Variants in ETNK2 observed in about 807,000 individuals in gnomAD.
The protein encoded by ETNK2 is ethanolamine kinase-like protein.
In ETNK2, 33 loss-of-function variants were observed where a neutral mutation model predicts 46.2. The ratio of observed to expected loss-of-function variants is 0.71; its 90% CI spans 0.54 to 0.96. The LOEUF (loss-of-function observed/expected upper bound fraction) is 0.96, where lower values mean the gene tolerates loss of function less well. Ranked by LOEUF, ETNK2 falls within the 40% of genes least tolerant of loss-of-function variation. The probability of loss-of-function intolerance (pLI) is 0.00; values close to 1 mark genes in which losing one functional copy is unlikely to be tolerated. For missense variants in ETNK2, 445 were observed against 509.7 expected (o/e 0.87, Z 1.22); for synonymous variants, 194 against 209.0 (o/e 0.93, Z 0.62).
At chr1:204,147,893 G>C (rs183223748) in intron 2 of ETNK2, among the ~76,000 whole-genome samples, 73 of 152,302 alleles carry the variant, frequency 4.8e-4, no homozygotes, top group Non-Finnish European at 1.0e-3. Flanking sequence ...GAGGCCCTGG[G>C]GCAGAAGGGA....
Position 204,137,134 on chromosome 1 carries a change from C to A in ETNK2, c.984G>T (p.Arg328Ser), listed in dbSNP as rs1202713597. 6.2e-7 allele frequency: 1 copy of A among 1,613,952 alleles called. No individual in the cohort carries two copies. Among genetic ancestry groups the A allele is most frequent in the South Asian group, 1.1e-5 (1 of 91,078 alleles). ...CAAACTTGTTGACTTGCACGTAGAG[C>A]CTTTGCACCTCCCTGGGGGTCACGG... ...GMAVTPREVQ[R>S]LYVQVNKFAL... The change falls in exon 6 of 8, where the codon AGG becomes AGT. Residue 328 changes from arginine (R) to serine (S), a missense_variant. Transcript: ENST00000367202.
rs745497886 is a variant in ETNK2, at chr1:204,146,634, C to T, written c.641+8G>A. 1 of 1,613,918 alleles carries T rather than the reference C, an allele frequency of 6.2e-7. No individual in the cohort carries two copies. The highest frequency in any genetic ancestry group is 1.1e-5 in the South Asian group (1 of 91,066). On this transcript the variant is annotated splice_region_variant and intron_variant, in intron 3 of 7. Coordinates refer to ENST00000367202, the MANE Select transcript of ETNK2 (RefSeq NM_018208.4). ...AAGGCAGCCTTGGACCCTCCCAGAT[C>T]TTTGTACCTGGGGTTGATCTCGTTC...
chr1:204,149,625 A>G (rs1657924911), intron 2 of ETNK2, 78 bp downstream of exon 2: 1 of 1,484,426 alleles, frequency 6.7e-7, no homozygotes, highest in Non-Finnish European at 9.0e-7. Context: ...ACTCTCCACC[A>G]TGGACCCCAC....
At chr1:204,134,676 A>G in intron 6 of ETNK2, 88 bp from the exon 7 acceptor site, 1 of 1,613,746 alleles carries the variant, frequency 6.2e-7, no homozygotes, top group Non-Finnish European at 8.5e-7. Flanking sequence ...GTCATTGTGG[A>G]AGACACACAG....
At chr1:204,133,203 G>A (rs1028822369) in intron 7 of ETNK2, among the ~76,000 whole-genome samples, 5 of 152,048 alleles carry the variant, frequency 3.3e-5, no homozygotes, top group African/African-American at 9.7e-5. Flanking sequence ...CAAGAATAAT[G>A]TTGCCATGAA....
chr1:204,149,345 T>C (rs758570737), intron 2 of ETNK2, among the ~76,000 whole-genome samples: 1 of 152,170 alleles, frequency 6.6e-6, no homozygotes. Context: ...CTGAGTGCCC[T>C]GGGGATCTGG....
At chr1:204,141,265 A>C (rs753632325) in intron 4 of ETNK2, 50 bp downstream of exon 4, 1 of 1,612,830 alleles carries the variant, frequency 6.2e-7, no homozygotes, top group Admixed American at 1.7e-5. Flanking sequence ...GAAGCCAGCT[A>C]ACCAACCAAC....
chr1:204,132,316 G>A (rs1657107558), intron 7 of ETNK2, 60 bp from the exon 8 acceptor site: 2 of 1,369,774 alleles, frequency 1.5e-6, no homozygotes, highest in Non-Finnish European at 2.0e-6. Context: ...GCCCTGCTGG[G>A]GGTGCTGACA....
chr1:204,149,986 G>C, intron 1 of ETNK2, 24 bp from the exon 2 acceptor site: 1 of 1,233,964 alleles, frequency 8.1e-7, no homozygotes, highest in Non-Finnish European at 1.1e-6. Context: ...AGGACAGTGC[G>C]TGGGTGGGTG....
chr1:204,136,972 G>A lies in ETNK2; in HGVS notation c.1014+132C>T, dbSNP rs545816557. Reference sequence around the variant, plus strand: ...TTCCCAGGCTTCACCTCTAGGGTGGGGTCAGGAGCCAGGGATGGGTGTCCC... The same window carrying A: ...TTCCCAGGCTTCACCTCTAGGGTGGAGTCAGGAGCCAGGGATGGGTGTCCC... On this transcript the variant is annotated intron_variant, in intron 6 of 7. Coordinates refer to ENST00000367202, the MANE Select transcript of ETNK2 (RefSeq NM_018208.4). The A allele has an allele frequency of 3.3e-6, 4 of 1,228,006 alleles. No homozygotes were observed. The African/African-American group carries it at 6.0e-5, about 18-fold the overall frequency. 76.1% of individuals were successfully genotyped at this position (1,228,006 alleles called of 1,614,324 possible).
At chr1:204,141,264 TA>T in intron 4 of ETNK2, 50 bp downstream of exon 4, 1 of 1,613,376 alleles carries the variant, frequency 6.2e-7, no homozygotes, top group African/African-American at 1.3e-5. Flanking sequence ...TGAAGCCAGC[TA>T]ACCAACCAAC....
rs753711330 is a variant in ETNK2 at position 204,146,539 on chromosome 1, G to A, written c.641+103C>T. On this transcript the variant is annotated intron_variant, in intron 3 of 7. Transcript: ENST00000367202. ...GGAGAAACTCCCCAGCCTCCTCCCC[G>A]AGACCTAAGCCCTTAAACCTCCTAG... 2.4e-5 allele frequency: 34 copies of A among 1,388,024 alleles called. No individual in the cohort carries two copies. In the East Asian group the frequency reaches 4.1e-4, roughly 17 times the overall value. 86.0% of individuals were successfully genotyped at this position (1,388,024 alleles called of 1,614,324 possible).
At chr1:204,136,409 A>G (rs1186066548) in intron 6 of ETNK2, among the ~76,000 whole-genome samples, 3 of 148,930 alleles carry the variant, frequency 2.0e-5, no homozygotes, top group Non-Finnish European at 4.4e-5. Context: ...AAAAGTATAT[A>G]TATATATATA....
chr1:204,136,041 G>A (rs749972631), intron 6 of ETNK2, among the ~76,000 whole-genome samples: 3 of 152,166 alleles, frequency 2.0e-5, no homozygotes, highest in African/African-American at 7.2e-5. Context: ...TAGTTACACA[G>A]AAGTATGAGC....
rs1197544244 is a variant in ETNK2 at position 204,131,976 on chromosome 1, A to ATTCC, written c.*207_*208insGGAA. On this transcript the variant is annotated 3_prime_UTR_variant, in exon 8 of 8. Transcript: ENST00000367202. This position sits in a 1 kb window ranked among gnomAD's most constrained non-coding sequence, Gnocchi z 4.3. The stretch of plus-strand genomic sequence containing the variant: ...TGGTGGGGTGAAGGGGACCCCCGGA[A>ATTCC]GGGGGTCCTATCAGCCCCTCCAGAC... 1 of 580,650 alleles carries ATTCC rather than the reference A, an allele frequency of 1.7e-6. No individual in the cohort carries two copies. Among genetic ancestry groups the ATTCC allele is most frequent in the African/African-American group, 1.9e-5 (1 of 53,418 alleles). 36.0% of individuals were successfully genotyped at this position (580,650 alleles called of 1,614,324 possible).
In ETNK2 at chr1:204,141,447, C is replaced by T; in HGVS notation, c.652G>A (p.Asp218Asn). ...TCCAACACCTCTACCTTAGGGACAT[C>T]TGCAGAAAGGCTGGGCAGTGGCAAA... ...KNEINPSLSA[D>N]VPKVEVLERE... Residue 218 changes from aspartate (D) to asparagine (N), a missense_variant, in exon 4 of 8, where the codon GAT becomes AAT. Coordinates refer to ENST00000367202, the MANE Select transcript of ETNK2 (RefSeq NM_018208.4). 2.5e-6 allele frequency: 4 copies of T among 1,594,230 alleles called. No homozygotes were observed. Among genetic ancestry groups the T allele is most frequent in the Non-Finnish European group, 3.4e-6 (4 of 1,170,178 alleles).
At chr1:204,139,984 T>G in intron 5 of ETNK2, 51 bp downstream of exon 5, 1 of 1,458,166 alleles carries the variant, frequency 6.9e-7, no homozygotes, top group Non-Finnish European at 9.6e-7. Context: ...CGGTCAGTCA[T>G]TGACTGAAAC....
intron 4 of ETNK2, chr1:204,140,933 CT>C (rs1471618790): frequency 1.4e-5 from 5 of 348,580 alleles, no homozygotes; most frequent in Non-Finnish European, 2.8e-5. Context: ...AGTGATTCTC[CT>C]GCCTCAGCCT....
chr1:204,147,494 T>C lies in ETNK2; in HGVS notation c.519-730A>G, dbSNP rs531297241. ...AAGGAGGGCCTTGATAAAGACCCCA[T>C]CGCCCGAGGCCCTGTGTCCCAGCTG... is the stretch of plus-strand genomic sequence containing the variant. On this transcript the variant is annotated intron_variant, in intron 2 of 7. Transcript: ENST00000367202. 1.9e-5 allele frequency: 10 copies of C among 533,372 alleles called. No individual in the cohort carries two copies. In the East Asian group the frequency reaches 5.4e-4, roughly 29 times the overall value. The allele number at this position is 533,372 out of a possible 1,614,324, so 33.0% of individuals were successfully genotyped here.
Sources: gnomAD v4.1 joint callset for allele counts (sites outside exome capture counted in the v4.1 genomes callset) on GRCh38, gnomAD v4.1.1 for gene constraint, Gnocchi (gnomAD v3.1) non-coding constraint, MANE v1.5 for transcripts, NCBI Gene and HGNC (gene_info 2026-07-23, HGNC 2026-07-21) for gene names.